WDR70: variants seen among roughly 807,000 people sequenced by gnomAD.
WDR70 encodes WD repeat-containing protein 70.
WDR70 carries 53 observed loss-of-function variants against 88.6 expected under a neutral mutation model. The ratio of observed to expected loss-of-function variants is 0.60; its 90% CI spans 0.48 to 0.75. WDR70 has a LOEUF of 0.75. WDR70 is among the 30% of genes least tolerant of loss of function. The pLI is 0.00. For missense variants in WDR70, 610 were observed against 823.2 expected, an observed-to-expected ratio of 0.74 and a Z score of 3.17; for synonymous variants, 280 against 270.0, an observed-to-expected ratio of 1.04 and a Z score of -0.36.
At chr5:37,688,047 A>G (rs1200831559) in intron 10 of WDR70, 2 of 602,840 alleles carry the variant, frequency 3.3e-6, no homozygotes, top group Admixed American at 2.4e-5. Context: ...ATATATGCAT[A>G]CACATCTATA....
intron 10 of WDR70, among the ~76,000 whole-genome samples, chr5:37,697,015 A>C (rs1747004510): frequency 6.6e-6 from 1 of 152,234 alleles, no homozygotes. Context: ...AAGGTCCTTA[A>C]GTTTCTGTAC....
At chr5:37,488,811 G>A (rs964388004) in intron 8 of WDR70, among the ~76,000 whole-genome samples, 3 of 152,058 alleles carry the variant, frequency 2.0e-5, no homozygotes, top group Non-Finnish European at 2.9e-5. Flanking sequence ...GCTGGAATCT[G>A]TTGGTGGAGA....
intron 9 of WDR70, among the ~76,000 whole-genome samples, chr5:37,551,626 G>A (rs1742147377): frequency 6.6e-6 from 1 of 151,206 alleles, no homozygotes; most frequent in Admixed American, 6.6e-5. Context: ...TACTTGGGAG[G>A]CTGAGGCAGG....
At chr5:37,688,168 T>C (rs1453741342) in intron 10 of WDR70, among the ~76,000 whole-genome samples, 1 of 152,256 alleles carries the variant, frequency 6.6e-6, no homozygotes, top group Non-Finnish European at 1.5e-5. Flanking sequence ...TTTGCCTGTT[T>C]TGCCTTTTCC....
chr5:37,588,538 T>A (rs1743430579), intron 9 of WDR70, among the ~76,000 whole-genome samples: 1 of 151,900 alleles, frequency 6.6e-6, no homozygotes, highest in South Asian at 2.1e-4. Context: ...TTAACTTTCT[T>A]TTTTCCCCCA....
At chr5:37,653,253 CAT>C (rs1745457653) in intron 10 of WDR70, among the ~76,000 whole-genome samples, 1 of 152,134 alleles carries the variant, frequency 6.6e-6, no homozygotes, top group Non-Finnish European at 1.5e-5. Context: ...TATTGATTTA[CAT>C]ATGTTGAACC....
At chr5:37,427,250 G>A (rs1404772642) in intron 5 of WDR70, among the ~76,000 whole-genome samples, 4 of 152,078 alleles carry the variant, frequency 2.6e-5, no homozygotes, top group Non-Finnish European at 4.4e-5. Flanking sequence ...TTAGCTGGGC[G>A]TGGTGGCGGG....
chr5:37,675,976 A>G (rs959660817), intron 10 of WDR70, among the ~76,000 whole-genome samples: 10 of 151,298 alleles, frequency 6.6e-5, no homozygotes, highest in African/African-American at 2.4e-4. Flanking sequence ...ATTCCTAGGT[A>G]TTTTATTCTC....
At chr5:37,383,334 A>G (rs1748492407) in intron 3 of WDR70, among the ~76,000 whole-genome samples, 2 of 152,000 alleles carry the variant, frequency 1.3e-5, no homozygotes, top group Non-Finnish European at 1.5e-5. Flanking sequence ...ATCTCAGCTC[A>G]CTGTGACCTC....
At chr5:37,513,040 GTA>G (rs1740768279) in intron 8 of WDR70, among the ~76,000 whole-genome samples, 1 of 152,088 alleles carries the variant, frequency 6.6e-6, no homozygotes, top group South Asian at 2.1e-4. Context: ...TATTCTTTCA[GTA>G]TATGTGTTAC....
chr5:37,703,532 G>A (rs1165015864), intron 13 of WDR70, among the ~76,000 whole-genome samples: 1 of 152,184 alleles, frequency 6.6e-6, no homozygotes, highest in Non-Finnish European at 1.5e-5. Context: ...ATTAAAGTCA[G>A]GCTCAGCTTG....
In WDR70 at chr5:37,404,973, G is replaced by C. The variant is rs185026236; in HGVS notation, c.492+8403G>C. 7.1e-3 allele frequency among the ~76,000 whole-genome samples: 1,081 copies of C among 152,176 alleles called. 11 individuals are homozygous for C. The highest frequency in any genetic ancestry group is 0.024 in the Middle Eastern group (7 of 292). ...CTGGGTGTGTGGTATGGTGAGATGG[G>C]GTCCCTCCTATCAGTTTTTGGCCAG... On this transcript the variant is annotated intron_variant, in intron 5 of 17. Coordinates refer to ENST00000265107, the MANE Select transcript of WDR70 (RefSeq NM_018034.4).
At chr5:37,507,300 ATCAAGT>A (rs1740591669) in intron 8 of WDR70, among the ~76,000 whole-genome samples, 1 of 152,310 alleles carries the variant, frequency 6.6e-6, no homozygotes, top group East Asian at 1.9e-4. Flanking sequence ...AGAATATGTA[ATCAAGT>A]TCAGGTATTT....
At chr5:37,429,267 CATAAATGTATTGT>C (rs1750231163) in intron 5 of WDR70, among the ~76,000 whole-genome samples, 2 of 152,182 alleles carry the variant, frequency 1.3e-5, no homozygotes, top group South Asian at 4.1e-4. Context: ...TATTTTGTCA[CATAAATGTATTGT>C]AAATATCTTT....
rs1218870965 is a variant in WDR70 at position 37,421,526 on chromosome 5, A to G, written c.493-16396A>G. Among the ~76,000 whole-genome samples, 4 of 152,200 alleles carry G rather than the reference A, an allele frequency of 2.6e-5. No individual in the cohort carries two copies. The East Asian group carries it at 7.7e-4, about 29-fold the overall frequency. Reference sequence around the variant, plus strand: ...GAAAACAGAGCATTTTCTCCTTGTGAAAATCTTCACTGACTCACAAAAGTG... The same window carrying G: ...GAAAACAGAGCATTTTCTCCTTGTGGAAATCTTCACTGACTCACAAAAGTG... On this transcript the variant is annotated intron_variant, in intron 5 of 17. Coordinates refer to ENST00000265107, the MANE Select transcript of WDR70 (RefSeq NM_018034.4).
intron 9 of WDR70, among the ~76,000 whole-genome samples, chr5:37,526,509 A>G (rs964236263): frequency 3.9e-5 from 6 of 152,228 alleles, no homozygotes; most frequent in African/African-American, 1.2e-4. Flanking sequence ...ATTTATGACA[A>G]AGCCACAGCC....
At chr5:37,564,938 G>A (rs1742694444) in intron 9 of WDR70, among the ~76,000 whole-genome samples, 1 of 151,986 alleles carries the variant, frequency 6.6e-6, no homozygotes, top group Non-Finnish European at 1.5e-5. Context: ...TTATTTCAAA[G>A]GCACCTTAAG....
chr5:37,563,533 G>C lies in WDR70; in HGVS notation c.918-41531G>C, dbSNP rs1466442202. On this transcript the variant is annotated intron_variant, in intron 9 of 17. Transcript: ENST00000265107. ...CAGAGGCGCCCCTCACCTCCCGGAT[G>C]GGGCGGCTGGCCGGGCGGGGGGCTG... 7.2e-3 allele frequency among the ~76,000 whole-genome samples: 435 copies of C among 60,412 alleles called. 43 individuals carry two copies. Among genetic ancestry groups the C allele is most frequent in the African/African-American group, 0.024 (410 of 17,202 alleles). The allele number at this position is 60,412 out of a possible 152,430, so 39.6% of individuals were successfully genotyped here.
intron 9 of WDR70, among the ~76,000 whole-genome samples, chr5:37,587,819 G>A (rs1337511313): frequency 1.3e-4 from 17 of 129,838 alleles, no homozygotes; most frequent in East Asian, 6.7e-4. Flanking sequence ...TCACTCTATC[G>A]CCCAGGCTGG....
Sources: allele counts gnomAD v4.1 joint callset (sites outside exome capture counted in the v4.1 genomes callset), GRCh38; gene constraint gnomAD v4.1.1; transcripts MANE v1.5; gene names NCBI Gene and HGNC (gene_info 2026-07-23, HGNC 2026-07-21).